MGA: variants seen among roughly 807,000 people sequenced by gnomAD.
MGA encodes MAX gene-associated protein.
In MGA, 40 loss-of-function variants were observed where a neutral mutation model predicts 261.1. The observed-to-expected ratio is 0.15, with a 90% CI of 0.12 to 0.20. MGA has a LOEUF of 0.20. Among genes scored for constraint, MGA ranks in the 10% least tolerant of loss-of-function variants. The pLI is 1.00. For missense variants in MGA, 3,397 were observed against 3,630.5 expected, an observed-to-expected ratio of 0.94 and a Z score of 1.65; for synonymous variants, 1,302 against 1,290.6, an observed-to-expected ratio of 1.01 and a Z score of -0.19.
rs139829240 is a variant in MGA, at chr15:41,633,941, A to G, written c.-68+12643A>G. Among the ~76,000 whole-genome samples the G allele has an allele frequency of 1.2e-4, 18 of 151,990 alleles. No homozygotes were observed. The East Asian group carries it at 3.5e-3, about 29-fold the overall frequency. ...TTATCTCTTAACACTCCCTTCCTTA[A>G]TCTCTGCTCCAGCTTCTTCATCTCC... On this transcript the variant is annotated intron_variant, in intron 1 of 8. Coordinates refer to the MGA transcript ENST00000566718.
At chr15:41,628,283 G>A (rs973947031) in intron 1 of MGA, among the ~76,000 whole-genome samples, 9 of 143,674 alleles carry the variant, frequency 6.3e-5, no homozygotes, top group African/African-American at 2.3e-4. Context: ...TGAGGCATGA[G>A]AATATCTTGA....
At chr15:41,721,527 G>A (rs899774068) in intron 9 of MGA, among the ~76,000 whole-genome samples, 7 of 152,104 alleles carry the variant, frequency 4.6e-5, no homozygotes, top group Non-Finnish European at 1.0e-4. Context: ...AATATATAAA[G>A]GTGTCTACAA....
At position 41,749,358 on chromosome 15, in the gene MGA, C is replaced by T. The variant is rs758117748; in HGVS notation, c.5751C>T (p.Gly1917=). The stretch of plus-strand genomic sequence containing the variant: ...CACAAAGCTTTGCAAGTAAAACAGG[C>T]TCTGAAACCAAAATAACTTATAGCT... The change falls in exon 17 of 24, where the codon GGC becomes GGT. Residue 1917 remains glycine, a synonymous_variant. Transcript: ENST00000219905. 4 of 1,614,020 alleles carry T rather than the reference C, an allele frequency of 2.5e-6. No homozygotes were observed. Among genetic ancestry groups the T allele is most frequent in the Non-Finnish European group, 2.5e-6 (3 of 1,179,896 alleles).
At chr15:41,682,854 G>A (rs1310905710) in intron 2 of MGA, among the ~76,000 whole-genome samples, 2 of 152,048 alleles carry the variant, frequency 1.3e-5, no homozygotes, top group African/African-American at 2.4e-5. Context: ...GTTTTGTGAA[G>A]TTCATTTTTC....
intron 14 of MGA, among the ~76,000 whole-genome samples, chr15:41,740,623 T>G (rs1407304156): frequency 6.6e-6 from 1 of 152,196 alleles, no homozygotes; most frequent in East Asian, 1.9e-4. Context: ...TAAAAATAGT[T>G]TACTATTTTC....
chr15:41,624,440 A>G (rs1272825933), intron 1 of MGA, among the ~76,000 whole-genome samples: 1 of 150,448 alleles, frequency 6.6e-6, no homozygotes, highest in Non-Finnish European at 1.5e-5. Context: ...TATTTTTAGT[A>G]GAGATAGGGT....
At chr15:41,687,343 C>A (rs901603862) in intron 2 of MGA, among the ~76,000 whole-genome samples, 1 of 152,086 alleles carries the variant, frequency 6.6e-6, no homozygotes, top group African/African-American at 2.4e-5. Flanking sequence ...AATTAAAGTT[C>A]AAATTTCAGT....
chr15:41,691,758 T>G, intron 2 of MGA: 1 of 275,702 alleles, frequency 3.6e-6, no homozygotes, highest in Non-Finnish European at 8.4e-6. Context: ...CTGACTTACA[T>G]AGTTTCCATT....
chr15:41,751,998 A>G (rs1371248877), intron 17 of MGA: 2 of 152,240 alleles, frequency 1.3e-5, no homozygotes, highest in African/African-American at 4.8e-5. Flanking sequence ...ACATAAAATA[A>G]GACAAAAAGA....
At chr15:41,643,017 G>C (rs2056855836) in intron 1 of MGA, among the ~76,000 whole-genome samples, 1 of 151,148 alleles carries the variant, frequency 6.6e-6, no homozygotes, top group South Asian at 2.1e-4. Flanking sequence ...AGGCTCAAGT[G>C]ATCTCTTACC....
chr15:41,655,716 G>A (rs1408227031), upstream of MGA, among the ~76,000 whole-genome samples: 1 of 152,130 alleles, frequency 6.6e-6, no homozygotes, highest in Non-Finnish European at 1.5e-5. Context: ...ATCTCCTCAA[G>A]TGTCTGCCCT....
intron 1 of MGA, among the ~76,000 whole-genome samples, chr15:41,648,266 C>T (rs2056973541): frequency 6.6e-6 from 1 of 152,200 alleles, no homozygotes; most frequent in African/African-American, 2.4e-5. Flanking sequence ...TGTCTGGGTT[C>T]AAGTTTTGAC....
intron 9 of MGA, among the ~76,000 whole-genome samples, chr15:41,714,399 C>T (rs747783068): frequency 9.9e-5 from 15 of 152,138 alleles, no homozygotes; most frequent in Non-Finnish European, 1.8e-4. Flanking sequence ...CATCCATGTT[C>T]AAGACAGGCT....
At chr15:41,648,254 A>G (rs1301542871) in intron 1 of MGA, among the ~76,000 whole-genome samples, 4 of 152,226 alleles carry the variant, frequency 2.6e-5, no homozygotes, top group Admixed American at 6.5e-5. Flanking sequence ...TTGGAGCCAG[A>G]GTGTCTGGGT....
In MGA at chr15:41,749,535, C is replaced by G. The variant is rs749982165; in HGVS notation, c.5928C>G (p.Asp1976Glu). ...TGAAGAGAGAATCTCAGAATCCAGA[C>G]CAGAAAGATGAAACAAACTCAATAA... Residue 1976 changes from aspartate (D) to glutamate (E), a missense_variant, in exon 17 of 24, where the codon GAC (aspartate) becomes GAG (glutamate). By Grantham distance (45) the Asp-to-Glu change is conservative. Transcript: ENST00000219905. 1 of 1,613,718 alleles carries G rather than the reference C, an allele frequency of 6.2e-7. No homozygotes were observed. The highest frequency in any genetic ancestry group is 8.5e-7 in the Non-Finnish European group (1 of 1,179,878).
intron 1 of MGA, among the ~76,000 whole-genome samples, chr15:41,643,576 A>T (rs993525585): frequency 1.2e-4 from 18 of 151,494 alleles, no homozygotes; most frequent in African/African-American, 4.1e-4. Flanking sequence ...TTTGTTGTTG[A>T]GTTGTAGGAG....
rs71108126 is a variant in MGA at position 41,745,281 on chromosome 15, TAAAAAAAAAA to T, written c.5212+2126_5212+2135del. ...GCGAGAAACACCCAAGAATGATCAA[TAAAAAAAAAA>T]AAAAAAAAAAAAAAAAGAGACAGCA... On this transcript the variant is annotated intron_variant, in intron 15 of 23. Coordinates refer to ENST00000219905, the MANE Select transcript of MGA (RefSeq NM_001164273.2). 1.4e-3 allele frequency among the ~76,000 whole-genome samples: 46 copies of T among 33,224 alleles called. 1 individual carries two copies. Among genetic ancestry groups the T allele is most frequent in the Middle Eastern group, 0.022 (1 of 46 alleles). 21.8% of individuals were successfully genotyped at this position (33,224 alleles called of 152,430 possible).
chr15:41,689,270 G>A (rs892385712), intron 2 of MGA, among the ~76,000 whole-genome samples: 5 of 149,924 alleles, frequency 3.3e-5, no homozygotes, highest in East Asian at 2.0e-4. Flanking sequence ...TCTGTGGCTC[G>A]CTCTCATCCT....
intron 5 of MGA, among the ~76,000 whole-genome samples, chr15:41,701,888 TG>T (rs1451502684): frequency 6.6e-6 from 1 of 152,256 alleles, no homozygotes; most frequent in Non-Finnish European, 1.5e-5. Context: ...GACACAGTTT[TG>T]TTTTTTTGAA....
Sources: allele counts gnomAD v4.1 joint callset (sites outside exome capture counted in the v4.1 genomes callset), GRCh38; gene constraint gnomAD v4.1.1; transcripts MANE v1.5; gene names NCBI Gene and HGNC (gene_info 2026-07-23, HGNC 2026-07-21).